The following SLC22A2 variants were observed in gnomAD, a reference collection of about 807,000 sequenced individuals.
SLC22A2 encodes the protein organic cation transporter 2.
SLC22A2 carries 46 observed loss-of-function variants against 60.5 expected under a neutral mutation model. That is an observed-to-expected ratio of 0.76 (90% CI 0.60 to 0.97). SLC22A2 has a LOEUF of 0.97. Among genes scored for constraint, SLC22A2 ranks in the 50% least tolerant of loss-of-function variants. The pLI, the probability that SLC22A2 is intolerant of heterozygous loss-of-function variation, is 0.00. For missense variants in SLC22A2, 701 were observed against 706.6 expected (o/e 0.99, Z 0.09); for synonymous variants, 303 against 267.0 (o/e 1.13, Z -1.31).
Position 160,241,549 on chromosome 6 carries a change from T to C in SLC22A2, c.1426A>G (p.Ile476Val). 6.2e-7 allele frequency: 1 copy of C among 1,613,674 alleles called. No individual in the cohort carries two copies. The highest frequency in any genetic ancestry group is 8.5e-7 in the Non-Finnish European group (1 of 1,179,670). ...GVHICSSMCD[I>V]GGIITPFLVY... ...AGGAATGGCGTGATGATGCCACCAA[T>C]GTCACACATTGAGGAACAGATGTGG... is the stretch of plus-strand genomic sequence containing the variant. Residue 476 changes from isoleucine (I) to valine (V), a missense_variant, in exon 9 of 11, where the codon ATT becomes GTT. Coordinates refer to ENST00000366953, the MANE Select transcript of SLC22A2 (RefSeq NM_003058.4).
chr6:160,238,653 G>C (rs1004496396), intron 9 of SLC22A2, among the ~76,000 whole-genome samples: 8 of 152,162 alleles, frequency 5.3e-5, no homozygotes, highest in African/African-American at 1.9e-4. Flanking sequence ...AGAGAAAGAA[G>C]TTAAAATGAA....
intron 10 of SLC22A2, among the ~76,000 whole-genome samples, chr6:160,218,537 G>A (rs961588540): frequency 3.3e-5 from 5 of 151,336 alleles, no homozygotes; most frequent in African/African-American, 1.2e-4. Flanking sequence ...AGTAACAGTA[G>A]CAGCAACAGA....
chr6:160,248,618 T>C (rs1303997026), intron 4 of SLC22A2, among the ~76,000 whole-genome samples: 1 of 152,228 alleles, frequency 6.6e-6, no homozygotes, highest in African/African-American at 2.4e-5. Flanking sequence ...TTTCAGATAA[T>C]CTCACATTAG....
At chr6:160,228,780 C>T (rs375422674) in intron 9 of SLC22A2, among the ~76,000 whole-genome samples, 6 of 151,466 alleles carry the variant, frequency 4.0e-5, no homozygotes, top group African/African-American at 1.5e-4. Flanking sequence ...TAACTGATGA[C>T]ATTACCTTGT....
At chr6:160,241,763 T>TACA (rs1051558545) in intron 8 of SLC22A2, among the ~76,000 whole-genome samples, 177 bp from the exon 9 acceptor site, 13 of 151,636 alleles carry the variant, frequency 8.6e-5, no homozygotes, top group African/African-American at 3.2e-4. Flanking sequence ...AACTTATTCA[T>TACA]ACAACCATAT....
intron 6 of SLC22A2, chr6:160,244,859 G>A (rs1348623363): frequency 1.3e-5 from 2 of 152,220 alleles, no homozygotes; most frequent in South Asian, 2.1e-4. Context: ...TCTGAGAGCA[G>A]CCTGTAGGTA....
chr6:160,239,630 G>T (rs1782966356), intron 9 of SLC22A2, among the ~76,000 whole-genome samples: 1 of 152,174 alleles, frequency 6.6e-6, no homozygotes, highest in African/African-American at 2.4e-5. Context: ...ATGGCAGGAA[G>T]GAGGACAGAG....
intron 5 of SLC22A2, 32 bp downstream of exon 5, chr6:160,247,151 TC>T (rs397840402): frequency 8.3e-7 from 1 of 1,201,784 alleles, no homozygotes; most frequent in Non-Finnish European, 1.2e-6. Context: ...CTTTTCTCCA[TC>T]CCCTGATTTG....
In SLC22A2 at chr6:160,254,457, CCTTA is replaced by C. The variant is rs1178009224; in HGVS notation, c.518+2153_518+2156del. Among the ~76,000 whole-genome samples, 5 of 151,894 alleles carry C rather than the reference CCTTA, an allele frequency of 3.3e-5. No individual in the cohort carries two copies. The East Asian group carries it at 7.7e-4, about 24-fold the overall frequency. On this transcript the variant is annotated intron_variant, in intron 2 of 10. Transcript: ENST00000366953. ...TCTTATTTACAATCTTTTCATAATGCCTTACTGTTTTTTTAAAAAATTATTCATG... is the reference window on the plus strand; with the variant it reads ...TCTTATTTACAATCTTTTCATAATGCCTGTTTTTTTAAAAAATTATTCATG...
intron 7 of SLC22A2, among the ~76,000 whole-genome samples, chr6:160,242,924 G>A (rs994975489): frequency 6.6e-6 from 1 of 152,150 alleles, no homozygotes; most frequent in Non-Finnish European, 1.5e-5. Context: ...AAAATCCTCT[G>A]TGTTCTCTTA....
At chr6:160,252,144 T>A (rs2114870633) in intron 2 of SLC22A2, among the ~76,000 whole-genome samples, 1 of 152,300 alleles carries the variant, frequency 6.6e-6, no homozygotes, top group South Asian at 2.1e-4. Flanking sequence ...CCTCTTGGCC[T>A]CTAATTCAAA....
Position 160,258,798 on chromosome 6 carries a change from CGGAGCGAGGCTGAGA to C in SLC22A2, c.-56_-42del, listed in dbSNP as rs747996165. The C allele has an allele frequency of 6.7e-7, 1 of 1,502,740 alleles. No homozygotes were observed. The highest frequency in any genetic ancestry group is 2.3e-5 in the Admixed American group (1 of 43,602). The allele number at this position is 1,502,740 out of a possible 1,614,324, so 93.1% of individuals were successfully genotyped here. A position where few individuals can be genotyped will look rare whatever the true frequency, so the allele number is the denominator to read the frequency against. Reference sequence around the variant, plus strand: ...AGGGCCCGAGGCTGCCCGACGTGCCCGGAGCGAGGCTGAGAGCGGCTGCAGCCAGCTCAGCACAAA... The same window carrying C: ...AGGGCCCGAGGCTGCCCGACGTGCCCGCGGCTGCAGCCAGCTCAGCACAAA... On this transcript the variant is annotated 5_prime_UTR_variant, in exon 1 of 11. Transcript: ENST00000366953.
intron 1 of SLC22A2, chr6:160,257,978 G>C (rs1245968476): frequency 1.4e-5 from 3 of 216,640 alleles, no homozygotes; most frequent in South Asian, 1.1e-4. Context: ...GTGTGTGTGG[G>C]CATCTGCGGG....
At chr6:160,218,075 T>G (rs933953918) in intron 10 of SLC22A2, 6 of 173,262 alleles carry the variant, frequency 3.5e-5, no homozygotes, top group Admixed American at 2.8e-4. Context: ...ATAGCAATAT[T>G]GAATCAGCTG....
chr6:160,241,417 G>A (rs1339464520), intron 9 of SLC22A2, 57 bp downstream of exon 9: 1 of 1,085,044 alleles, frequency 9.2e-7, no homozygotes, highest in African/African-American at 1.5e-5. Context: ...TAGAAGAGAA[G>A]TGAAGGTCTC....
chr6:160,233,182 T>A (rs1053411496), intron 9 of SLC22A2, among the ~76,000 whole-genome samples: 1 of 152,022 alleles, frequency 6.6e-6, no homozygotes, highest in Non-Finnish European at 1.5e-5. Flanking sequence ...GTCAGGAAAC[T>A]AAAATACCTC....
At chr6:160,252,081 A>T (rs1400698763) in intron 2 of SLC22A2, among the ~76,000 whole-genome samples, 6 of 152,178 alleles carry the variant, frequency 3.9e-5, no homozygotes, top group Non-Finnish European at 4.4e-5. Context: ...TCACCTAGGT[A>T]ACGATGTAAT....
At chr6:160,242,212 T>A (rs1475654435) in intron 8 of SLC22A2, 82 bp downstream of exon 8, 13 of 827,208 alleles carry the variant, frequency 1.6e-5, no homozygotes, top group Non-Finnish European at 2.4e-5. Flanking sequence ...AGGTAAGATA[T>A]CCTTTGTCTG....
chr6:160,220,824 G>A lies in SLC22A2; in HGVS notation c.1602-3326C>T, dbSNP rs143610510. Among the ~76,000 whole-genome samples the A allele has an allele frequency of 4.3e-3, 655 of 152,172 alleles. 6 individuals are homozygous for A. The highest frequency in any genetic ancestry group is 0.015 in the African/African-American group (631 of 41,508). On this transcript the variant is annotated intron_variant, in intron 10 of 10. Transcript: ENST00000366953. ...TTCTAAGCAGTAGGTCTAAACGGCG[G>A]GCTTAAAATAGTCAATAAACCATGC...
Sources: gnomAD v4.1 joint callset for allele counts (sites outside exome capture counted in the v4.1 genomes callset) on GRCh38, gnomAD v4.1.1 for gene constraint, MANE v1.5 for transcripts, NCBI Gene and HGNC (gene_info 2026-07-23, HGNC 2026-07-21) for gene names.